Variants in DMD observed in about 807,000 individuals in gnomAD.
The protein encoded by DMD is mutant dystrophin.
DMD carries 63 observed loss-of-function variants against 330.1 expected under a neutral mutation model. That is an observed-to-expected ratio of 0.19 (90% CI 0.16 to 0.24). The LOEUF (loss-of-function observed/expected upper bound fraction) is 0.24, where lower values mean the gene tolerates loss of function less well. Ranked by LOEUF, DMD falls within the 10% of genes least tolerant of loss-of-function variation. The probability of loss-of-function intolerance (pLI) is 1.00; values close to 1 mark genes in which losing one functional copy is unlikely to be tolerated. For synonymous variants in DMD, 1,223 were observed against 959.8 expected, an observed-to-expected ratio of 1.27 and a Z score of -5.07; for missense variants, 3,344 against 2,684.1, an observed-to-expected ratio of 1.25 and a Z score of -5.43.
chrX:31,484,815 T>C (rs1296574385), intron 57 of DMD, among the ~76,000 whole-genome samples: 1 of 112,368 alleles, frequency 8.9e-6, no homozygotes, highest in Admixed American at 9.4e-5. Flanking sequence ...AAAATATTTA[T>C]TTTGAACCTA....
chrX:32,338,783 A>G (rs918044229), intron 41 of DMD, among the ~76,000 whole-genome samples: 1 of 111,361 alleles, frequency 9.0e-6, no homozygotes, highest in African/African-American at 3.3e-5. Flanking sequence ...TTATTTTCCA[A>G]ATGCTACAAT....
chrX:31,269,466 C>T (rs891405984), intron 62 of DMD, among the ~76,000 whole-genome samples: 2 of 111,504 alleles, frequency 1.8e-5, no homozygotes, highest in African/African-American at 6.5e-5. Context: ...CCATGACCTA[C>T]TTGTTCCCAG....
chrX:33,049,757 G>A (rs1216649834), intron 1 of DMD, among the ~76,000 whole-genome samples: 1 of 111,269 alleles, frequency 9.0e-6, no homozygotes, highest in Admixed American at 9.6e-5. Context: ...ATGTATATTT[G>A]TAATTATCAA....
At chrX:32,712,787 TATTTTA>T (rs761373041) in intron 7 of DMD, among the ~76,000 whole-genome samples, 1 of 111,776 alleles carries the variant, frequency 8.9e-6, no homozygotes. Flanking sequence ...CAATGGAAAA[TATTTTA>T]ATTTTGTGTT....
intron 2 of DMD, among the ~76,000 whole-genome samples, chrX:32,874,583 A>G (rs1047313061): frequency 1.8e-5 from 2 of 111,736 alleles, no homozygotes; most frequent in Non-Finnish European, 3.8e-5. Flanking sequence ...ATGATGGACT[A>G]GAAATGGCCA....
At chrX:32,659,687 C>T (rs2060820515) in intron 9 of DMD, among the ~76,000 whole-genome samples, 1 of 110,402 alleles carries the variant, frequency 9.1e-6, no homozygotes, top group African/African-American at 3.3e-5. Flanking sequence ...TCCATTTTAC[C>T]TTATACTGAT....
At chrX:31,354,503 A>G (rs2058575758) in intron 60 of DMD, among the ~76,000 whole-genome samples, 1 of 111,486 alleles carries the variant, frequency 9.0e-6, no homozygotes, top group Non-Finnish European at 1.9e-5. Context: ...AAAAATGTAA[A>G]ACGGCAATTT....
At chrX:32,141,435 CAAAACAAAAACAAAAACA>C (rs201726305) in intron 44 of DMD, among the ~76,000 whole-genome samples, 11 of 96,116 alleles carry the variant, frequency 1.1e-4, no homozygotes, top group East Asian at 3.3e-4. Context: ...GACTCCGTCT[CAAAACAAAAACAAAAACA>C]AAAACAAAAA....
intron 7 of DMD, among the ~76,000 whole-genome samples, chrX:32,786,086 AGTGTGTGTGTGTGTGTGTGTGTGT>A (rs368269067): frequency 5.2e-5 from 5 of 96,566 alleles, no homozygotes; most frequent in South Asian, 9.7e-4. Context: ...GAGGAATAAG[AGTGTGTGTGTGTGTGTGTGTGTGT>A]GTGTGTGTGT....
At chrX:32,123,076 A>C (rs1718051) in intron 44 of DMD, among the ~76,000 whole-genome samples, 111 of 105,550 alleles carry the variant, frequency 1.1e-3, no homozygotes, top group Non-Finnish European at 1.9e-3. Context: ...TCTGGTCCCC[A>C]AATGAGACAT....
At chrX:32,757,875 C>T (rs922020696) in intron 7 of DMD, among the ~76,000 whole-genome samples, 1 of 111,165 alleles carries the variant, frequency 9.0e-6, no homozygotes, top group African/African-American at 3.3e-5. Context: ...ATCAACCCAT[C>T]TCTCATTTTT....
intron 55 of DMD, among the ~76,000 whole-genome samples, chrX:31,543,728 G>C (rs942376884): frequency 2.5e-4 from 28 of 111,893 alleles, no homozygotes; most frequent in African/African-American, 8.4e-4. Flanking sequence ...CTTGATGACA[G>C]ATAAGATATG....
intron 7 of DMD, among the ~76,000 whole-genome samples, chrX:32,716,532 G>A (rs1054479287): frequency 9.0e-6 from 1 of 111,495 alleles, no homozygotes; most frequent in African/African-American, 3.3e-5. Context: ...GTAGTTTATA[G>A]CAATGCGAGA....
At chrX:31,822,190 A>C (rs1236268725) in intron 49 of DMD, among the ~76,000 whole-genome samples, 1 of 111,854 alleles carries the variant, frequency 8.9e-6, no homozygotes, top group Non-Finnish European at 1.9e-5. Flanking sequence ...AGCTTAACTC[A>C]GCCTGGAGAG....
Position 33,124,476 on chromosome X carries a change from G to GAAAAAAAAAAAA in DMD, c.31+86794_31+86805dup, listed in dbSNP as rs56147804. ...GGGCGAATAGAGGGAGACTCTGTCTGAAAAAAAAAAAAAAAAAAAAAAAAA... is the reference window on the plus strand; with the variant it reads ...GGGCGAATAGAGGGAGACTCTGTCTGAAAAAAAAAAAAAAAAAAAAAAAAAAAAAAAAAAAAA... On this transcript the variant is annotated intron_variant, in intron 1 of 78. Coordinates refer to ENST00000357033, the MANE Select transcript of DMD (RefSeq NM_004006.3). 2.5e-4 allele frequency among the ~76,000 whole-genome samples: 4 copies of GAAAAAAAAAAAA among 16,132 alleles called. 1 individual carries two copies. Among genetic ancestry groups the GAAAAAAAAAAAA allele is most frequent in the African/African-American group, 1.1e-3 (4 of 3,646 alleles). 14.0% of individuals were successfully genotyped at this position (16,132 alleles called of 115,157 possible).
At chrX:32,749,032 CAGAACCCAAAAAAT>C (rs1188278872) in intron 7 of DMD, among the ~76,000 whole-genome samples, 2 of 111,993 alleles carry the variant, frequency 1.8e-5, no homozygotes, top group African/African-American at 6.5e-5. Flanking sequence ...TAGGTACATA[CAGAACCCAAAAAAT>C]AGAAGCCAAT....
chrX:32,060,806 T>A (rs1303404313), intron 44 of DMD, among the ~76,000 whole-genome samples: 1 of 111,459 alleles, frequency 9.0e-6, no homozygotes, highest in Non-Finnish European at 1.9e-5. Context: ...CTTTAAAGTT[T>A]CAGGTTTGGA....
At chrX:32,968,141 T>C in intron 2 of DMD, among the ~76,000 whole-genome samples, 1 of 112,208 alleles carries the variant, frequency 8.9e-6, no homozygotes, top group Non-Finnish European at 1.9e-5. Flanking sequence ...AATGAATAAA[T>C]GACTGTGTGC....
intron 44 of DMD, chrX:32,206,043 G>A (rs1282871264): frequency 5.9e-6 from 3 of 509,508 alleles, no homozygotes; most frequent in East Asian, 3.6e-5. Flanking sequence ...AGGGGCTGGG[G>A]CAAAGGATAA....
Sources: allele counts gnomAD v4.1 joint callset (sites outside exome capture counted in the v4.1 genomes callset), GRCh38; gene constraint gnomAD v4.1.1; transcripts MANE v1.5; gene names NCBI Gene and HGNC (gene_info 2026-07-23, HGNC 2026-07-21).